MAP3K19: variants seen among roughly 807,000 people sequenced by gnomAD.
MAP3K19 encodes mitogen-activated protein kinase kinase kinase 19, also known as SPS1/STE20-related protein kinase YSK4.
Under a neutral mutation model 114.4 loss-of-function variants are expected in MAP3K19, and 91 were observed. The ratio of observed to expected loss-of-function variants is 0.80; its 90% confidence interval spans 0.67 to 0.95. MAP3K19 has a LOEUF of 0.95. MAP3K19 is among the 40% of genes least tolerant of loss of function. The pLI is 0.00. For missense variants in MAP3K19, 1,471 were observed against 1,573.2 expected (o/e 0.94, Z 1.10); for synonymous variants, 518 against 530.5 (o/e 0.98, Z 0.32).
chr2:135,020,594 G>C lies in MAP3K19; in HGVS notation c.138+1121C>G, dbSNP rs1005416275. ...CTCACAAACTGCTGGAATTACAGGT[G>C]TGATATGATTTGGCTCTGTGTTCCC... On this transcript the variant is annotated intron_variant, in intron 5 of 12. Coordinates refer to ENST00000392915, the MANE Select transcript of MAP3K19 (RefSeq NM_025052.5). 3.3e-5 allele frequency among the ~76,000 whole-genome samples: 5 copies of C among 152,324 alleles called. No homozygotes were observed. The South Asian group carries it at 1.0e-3, about 32-fold the overall frequency.
intron 5 of MAP3K19, among the ~76,000 whole-genome samples, chr2:135,008,945 C>G (rs1488020520): frequency 2.0e-5 from 3 of 151,456 alleles, no homozygotes; most frequent in Non-Finnish European, 4.4e-5. Flanking sequence ...TGCCCTGCCC[C>G]TTTTCATTTT....
intron 2 of MAP3K19, among the ~76,000 whole-genome samples, chr2:135,035,303 A>G (rs1388977055): frequency 4.6e-5 from 7 of 152,226 alleles, no homozygotes. Flanking sequence ...AGGCTGAGGC[A>G]GGAGGATCAC....
intron 12 of MAP3K19, among the ~76,000 whole-genome samples, chr2:134,967,397 G>T (rs1168295226): frequency 7.9e-5 from 12 of 152,246 alleles, no homozygotes; most frequent in East Asian, 3.8e-4. Context: ...GCAGTTGAGA[G>T]AGAGGAAGGC....
At chr2:135,004,588 C>T (rs566860544) in intron 6 of MAP3K19, among the ~76,000 whole-genome samples, 3 of 152,300 alleles carry the variant, frequency 2.0e-5, no homozygotes, top group Admixed American at 2.0e-4. Flanking sequence ...GAAATTGCAG[C>T]AGTTCAAATA....
intron 1 of MAP3K19, among the ~76,000 whole-genome samples, chr2:135,043,179 C>T (rs1275894162): frequency 6.6e-6 from 1 of 152,090 alleles, no homozygotes; most frequent in African/African-American, 2.4e-5. Context: ...GGTTGGGGTC[C>T]AGGAACTAAG....
intron 6 of MAP3K19, among the ~76,000 whole-genome samples, chr2:135,002,006 T>C (rs915844183): frequency 1.3e-5 from 2 of 152,224 alleles, no homozygotes. Flanking sequence ...CATACAGATG[T>C]TCTCTTTGTT....
At position 135,005,427 on chromosome 2, in the gene MAP3K19, C is replaced by G. The variant is rs759808128; in HGVS notation, c.235+8G>C. The G allele has an allele frequency of 1.0e-5, 16 of 1,599,488 alleles. No homozygotes were observed. The highest frequency in any genetic ancestry group is 1.2e-5 in the Non-Finnish European group (14 of 1,166,938). On this transcript the variant is annotated splice_region_variant and intron_variant, in intron 6 of 12. Coordinates refer to ENST00000392915, the MANE Select transcript of MAP3K19 (RefSeq NM_025052.5). ...TTTGTAAACACATCAAGGAGTAAAG[C>G]CCAGTACCTTCTGTCCTGGGTTGCC... is the stretch of plus-strand genomic sequence containing the variant.
chr2:135,009,774 T>C (rs1388839220), intron 5 of MAP3K19, among the ~76,000 whole-genome samples: 1 of 152,104 alleles, frequency 6.6e-6, no homozygotes, highest in East Asian at 1.9e-4. Context: ...ATCTCGGAGG[T>C]TGCAAATTTT....
At chr2:134,971,043 T>G (rs1477540852) in intron 12 of MAP3K19, among the ~76,000 whole-genome samples, 1 of 152,234 alleles carries the variant, frequency 6.6e-6, no homozygotes, top group Non-Finnish European at 1.5e-5. Flanking sequence ...CTGTATGATG[T>G]TAGCTGTGGG....
At chr2:135,024,861 G>A in intron 3 of MAP3K19, 120 bp from the exon 4 acceptor site, 2 of 489,912 alleles carry the variant, frequency 4.1e-6, no homozygotes, top group South Asian at 7.0e-5. Context: ...GTAGTTTGGG[G>A]ATAATAATAA....
chr2:135,024,514 G>T, intron 4 of MAP3K19, 112 bp downstream of exon 4: 2 of 981,068 alleles, frequency 2.0e-6, no homozygotes, highest in Non-Finnish European at 3.3e-6. Context: ...TCCATAAATA[G>T]CCGTGGACTT....
chr2:134,968,570 G>T lies in MAP3K19; in HGVS notation c.3921-3654C>A, dbSNP rs1229314829. On this transcript the variant is annotated intron_variant, in intron 12 of 12. Coordinates refer to ENST00000392915, the MANE Select transcript of MAP3K19 (RefSeq NM_025052.5). ...TTCCCAGACGGGGTGGCTGCCGGGC[G>T]GAGGGGCTCCTCACTTCTCAGACGG... Among the ~76,000 whole-genome samples, 13 of 145,940 alleles carry T rather than the reference G, an allele frequency of 8.9e-5. 1 individual carries two copies. The highest frequency in any genetic ancestry group is 3.1e-4 in the African/African-American group (12 of 38,730).
rs1685208163 is a variant in MAP3K19 at position 134,987,270 on chromosome 2, A to G, written c.1602T>C (p.His534=). ...QENDKHKMNS[H]RSKLDSKTKT... is the part of the protein sequence containing the mutation. ...TGGTCTTTGAATCCAACTTACTCCT[A>G]TGGGAATTCATCTTATGCTTGTCAT... Residue 534 remains histidine, a synonymous_variant, in exon 10 of 13, where the codon CAT becomes CAC. Coordinates refer to ENST00000392915, the MANE Select transcript of MAP3K19 (RefSeq NM_025052.5). 1.1e-5 allele frequency: 17 copies of G among 1,613,920 alleles called. No individual in the cohort carries two copies. Among genetic ancestry groups the G allele is most frequent in the Middle Eastern group, 1.6e-4 (1 of 6,084 alleles).
intron 10 of MAP3K19, among the ~76,000 whole-genome samples, chr2:134,985,409 C>A (rs1283263647): frequency 6.6e-6 from 1 of 152,214 alleles, no homozygotes; most frequent in Non-Finnish European, 1.5e-5. Flanking sequence ...GAGCCATGTT[C>A]ATTTCTTTCT....
At chr2:134,991,076 C>T (rs1039020608) in intron 9 of MAP3K19, among the ~76,000 whole-genome samples, 18 of 151,614 alleles carry the variant, frequency 1.2e-4, no homozygotes, top group South Asian at 2.1e-4. Flanking sequence ...CCGAGGCGGG[C>T]GGATCACGAG....
chr2:134,989,208 A>G (rs1480029428), intron 9 of MAP3K19, among the ~76,000 whole-genome samples: 1 of 152,140 alleles, frequency 6.6e-6, no homozygotes, highest in Non-Finnish European at 1.5e-5. Context: ...GTGTAACCCA[A>G]TGTATAATAT....
intron 12 of MAP3K19, 131 bp from the exon 13 acceptor site, chr2:134,965,047 A>G: frequency 1.6e-6 from 1 of 635,560 alleles, no homozygotes. Context: ...GGTTGAGTCC[A>G]GTCTCCAATT....
At chr2:135,024,552 G>T in intron 4 of MAP3K19, 74 bp downstream of exon 4, 1 of 1,316,542 alleles carries the variant, frequency 7.6e-7, no homozygotes, top group Non-Finnish European at 1.1e-6. Context: ...CCATCAAACA[G>T]ATGTAGAAAA....
intron 12 of MAP3K19, among the ~76,000 whole-genome samples, chr2:134,970,701 C>T (rs1255981902): frequency 1.3e-5 from 2 of 151,342 alleles, no homozygotes; most frequent in Non-Finnish European, 2.9e-5. Context: ...GGGTTCATGC[C>T]ATTCTCCTGC....
Sources: allele counts gnomAD v4.1 joint callset (sites outside exome capture counted in the v4.1 genomes callset), GRCh38; gene constraint gnomAD v4.1.1; transcripts MANE v1.5; gene names NCBI Gene and HGNC (gene_info 2026-07-23, HGNC 2026-07-21).